CC2D2B: variants seen among roughly 807,000 people sequenced by gnomAD.
The protein encoded by CC2D2B is protein CC2D2B.
In CC2D2B, 128 loss-of-function variants were observed where a neutral mutation model predicts 161.2. The observed-to-expected ratio is 0.79, with a 90% confidence interval of 0.69 to 0.92. The LOEUF (loss-of-function observed/expected upper bound fraction) is 0.92. CC2D2B is among the 40% of genes least tolerant of loss of function. CC2D2B has a pLI of 0.00. For synonymous variants in CC2D2B, 391 were observed against 449.8 expected (o/e 0.87, Z 1.65); for missense variants, 1,173 against 1,375.1 (o/e 0.85, Z 2.32).
chr10:95,977,547 TTTC>T (rs1183665026), intron 17 of CC2D2B, among the ~76,000 whole-genome samples: 1 of 152,288 alleles, frequency 6.6e-6, no homozygotes, highest in African/African-American at 2.4e-5. Context: ...GTTTACCTTA[TTTC>T]TTATTTCCCA....
intron 25 of CC2D2B, among the ~76,000 whole-genome samples, chr10:96,007,126 G>A (rs2078784330): frequency 6.6e-6 from 1 of 151,988 alleles, no homozygotes; most frequent in African/African-American, 2.4e-5. Flanking sequence ...CATCACCCAG[G>A]TATTAAGCCT....
At chr10:95,937,564 A>G (rs1337628373) in intron 6 of CC2D2B, among the ~76,000 whole-genome samples, 2 of 151,880 alleles carry the variant, frequency 1.3e-5, no homozygotes, top group Non-Finnish European at 2.9e-5. Flanking sequence ...CTTGTAGAAA[A>G]AAGCATGCCT....
intron 30 of CC2D2B, 82 bp from the exon 31 acceptor site, chr10:96,019,121 A>T (rs2079340290): frequency 8.1e-7 from 1 of 1,241,938 alleles, no homozygotes; most frequent in African/African-American, 1.5e-5. Context: ...AAGGCTTTAA[A>T]AATTAGAATC....
intron 9 of CC2D2B, among the ~76,000 whole-genome samples, chr10:95,943,593 C>T (rs976779940): frequency 6.6e-6 from 1 of 152,056 alleles, no homozygotes. Context: ...ACATTTAATT[C>T]TTCTGTAAAT....
chr10:95,938,534 C>A, intron 7 of CC2D2B, 35 bp from the exon 8 acceptor site: 1 of 659,226 alleles, frequency 1.5e-6, no homozygotes. Flanking sequence ...ATATTTTGGA[C>A]TTTAAAGTAA....
At position 95,986,502 on chromosome 10, in the gene CC2D2B, T is replaced by C. The variant is rs561913871; in HGVS notation, c.2287-1748T>C. 2.0e-5 allele frequency among the ~76,000 whole-genome samples: 3 copies of C among 151,772 alleles called. No homozygotes were observed. In the East Asian group the frequency reaches 5.9e-4, roughly 30 times the overall value. On this transcript the variant is annotated intron_variant, in intron 19 of 34. Transcript: ENST00000646931. ...AAATACCATGTGTAGTGAAGATTACTTGTGAAAAGCAAAACTTGAAATGGG... is the reference window on the plus strand; with the variant it reads ...AAATACCATGTGTAGTGAAGATTACCTGTGAAAAGCAAAACTTGAAATGGG...
chr10:96,021,934 G>A (rs2079479890), intron 32 of CC2D2B, among the ~76,000 whole-genome samples: 1 of 152,136 alleles, frequency 6.6e-6, no homozygotes. Context: ...CTCTATGTTT[G>A]CCTGTATAGA....
chr10:95,969,326 C>T (rs964777890), intron 15 of CC2D2B, among the ~76,000 whole-genome samples: 4 of 151,744 alleles, frequency 2.6e-5, no homozygotes, highest in African/African-American at 9.7e-5. Context: ...TTTTTAGATC[C>T]CTCTAAGAAT....
At chr10:95,926,850 G>GTGTGTGTGTGTC (rs1554829007) in intron 5 of CC2D2B, among the ~76,000 whole-genome samples, 3 of 145,688 alleles carry the variant, frequency 2.1e-5, no homozygotes, top group Admixed American at 6.8e-5. Context: ...GTGTGTGTCT[G>GTGTGTGTGTGTC]TGTGTGTGTG....
At chr10:95,990,813 G>A (rs1229210950) in intron 20 of CC2D2B, among the ~76,000 whole-genome samples, 1 of 152,206 alleles carries the variant, frequency 6.6e-6, no homozygotes, top group Non-Finnish European at 1.5e-5. Context: ...AAAAGGAGAT[G>A]TTCAGAGTCC....
intron 22 of CC2D2B, among the ~76,000 whole-genome samples, chr10:95,995,065 T>C (rs567024305): frequency 6.6e-6 from 1 of 152,182 alleles, no homozygotes; most frequent in Non-Finnish European, 1.5e-5. Flanking sequence ...CATAGTTCAA[T>C]ATTTAGGAGT....
chr10:95,983,550 G>A, intron 18 of CC2D2B, 56 bp from the exon 19 acceptor site: 1 of 847,622 alleles, frequency 1.2e-6, no homozygotes, highest in Non-Finnish European at 1.6e-6. Flanking sequence ...GTCTTTTGAA[G>A]TAATTCCTGA....
At chr10:95,937,284 GTC>G (rs2075857755) in intron 6 of CC2D2B, among the ~76,000 whole-genome samples, 2 of 152,190 alleles carry the variant, frequency 1.3e-5, no homozygotes, top group Admixed American at 1.3e-4. Context: ...CTCACACACT[GTC>G]TCTGTTGTTC....
At position 96,012,650 on chromosome 10, in the gene CC2D2B, T is replaced by TA. The variant is rs777111188; in HGVS notation, c.3348dup (p.Val1117SerfsTer23). On this transcript the variant is annotated frameshift_variant, in exon 28 of 35. Coordinates refer to ENST00000646931, the MANE Select transcript of CC2D2B (RefSeq NM_001349008.3). LOFTEE classifies it high-confidence loss of function. ...TTTAATGATGAAGGGATACAGTTCT[T>TA]AGTCACAAGATATATCAAGGCATTA... 13 of 1,611,572 alleles carry TA rather than the reference T, an allele frequency of 8.1e-6. No individual in the cohort carries two copies. The highest frequency in any genetic ancestry group is 1.1e-5 in the Non-Finnish European group (13 of 1,177,744).
Position 95,938,153 on chromosome 10 carries a change from C to T in CC2D2B, c.499C>T (p.Gln167Ter). The change falls in exon 7 of 35, where the codon CAG (glutamine) becomes TAG (stop). Residue 167 changes from glutamine (Q) to a stop codon, truncating the protein, a stop_gained. Transcript: ENST00000646931. LOFTEE classifies it high-confidence loss of function. ...YEDDQEQIKK[Q>*]KANIFVPSSS... ...AGATGATCAAGAACAAATAAAAAAA[C>T]AGAAGGCAAATATTTTTGTACCAAG... 6.5e-7 allele frequency: 1 copy of T among 1,549,978 alleles called. No homozygotes were observed. Among genetic ancestry groups the T allele is most frequent in the Admixed American group, 2.0e-5 (1 of 50,966 alleles).
At chr10:95,967,583 TG>T (rs1297578924) in intron 14 of CC2D2B, among the ~76,000 whole-genome samples, 4 of 152,158 alleles carry the variant, frequency 2.6e-5, no homozygotes, top group Admixed American at 6.6e-5. Context: ...AGTTTACAGG[TG>T]AAGAGAAAGG....
Position 95,947,105 on chromosome 10 carries a change from ATATATATAT to A in CC2D2B, c.802-2789_802-2781del, listed in dbSNP as rs1462817278. Among the ~76,000 whole-genome samples the A allele has an allele frequency of 1.6e-4, 6 of 37,058 alleles. No homozygotes were observed. In the East Asian group the frequency reaches 3.9e-3, roughly 24 times the overall value. 24.3% of individuals were successfully genotyped at this position (37,058 alleles called of 152,430 possible). ...AAAATATATATATATATATATATAT[ATATATATAT>A]TTTTTTTTTTTTTTTTGAGACAAAG... On this transcript the variant is annotated intron_variant, in intron 9 of 34. Transcript: ENST00000646931.
chr10:95,908,461 T>C (rs1487194966), intron 1 of CC2D2B, among the ~76,000 whole-genome samples: 1 of 152,140 alleles, frequency 6.6e-6, no homozygotes, highest in East Asian at 1.9e-4. Flanking sequence ...GAGACAGAGT[T>C]AGAAAAAACT....
At chr10:95,972,677 A>C (rs971905149) in intron 16 of CC2D2B, among the ~76,000 whole-genome samples, 1 of 152,206 alleles carries the variant, frequency 6.6e-6, no homozygotes, top group African/African-American at 2.4e-5. Context: ...GATTGTTTAA[A>C]GTTTTGTCTT....
Sources: gnomAD v4.1 joint callset for allele counts (sites outside exome capture counted in the v4.1 genomes callset) on GRCh38, gnomAD v4.1.1 for gene constraint, MANE v1.5 for transcripts, NCBI Gene and HGNC (gene_info 2026-07-23, HGNC 2026-07-21) for gene names.